WDFY4: variants seen among roughly 807,000 people sequenced by gnomAD.
WDFY4 encodes the protein WDFY family member 4.
A neutral mutation model predicts 351.9 loss-of-function variants in WDFY4; 169 were observed. That is an observed-to-expected ratio of 0.48 (90% confidence interval 0.42 to 0.55). The LOEUF (loss-of-function observed/expected upper bound fraction) is 0.55. WDFY4 is among the 20% of genes least tolerant of loss of function. The pLI, the probability that WDFY4 is intolerant of heterozygous loss-of-function variation, is 0.00. For missense variants in WDFY4, 3,803 were observed against 3,935.6 expected, an observed-to-expected ratio of 0.97 and a Z score of 0.90; for synonymous variants, 1,622 against 1,574.6, an observed-to-expected ratio of 1.03 and a Z score of -0.71.
chr10:48,972,981 G>A (rs906834816), intron 57 of WDFY4, among the ~76,000 whole-genome samples: 5 of 152,058 alleles, frequency 3.3e-5, no homozygotes, highest in African/African-American at 1.2e-4. Context: ...TGATTTCTTC[G>A]GCTCTTGCAA....
intron 1 of WDFY4, among the ~76,000 whole-genome samples, chr10:48,705,809 C>T (rs1401438568): frequency 6.6e-6 from 1 of 152,234 alleles, no homozygotes; most frequent in Non-Finnish European, 1.5e-5. Flanking sequence ...GGATCTCCAG[C>T]TAAGTCCCCA....
chr10:48,975,182 T>C (rs1399440105), intron 58 of WDFY4, 141 bp downstream of exon 58: 1 of 1,126,446 alleles, frequency 8.9e-7, no homozygotes. Context: ...GAACAGTCGC[T>C]GTAGATCTCA....
intron 39 of WDFY4, among the ~76,000 whole-genome samples, chr10:48,846,668 C>G (rs1049739191): frequency 6.6e-6 from 1 of 152,186 alleles, no homozygotes; most frequent in African/African-American, 2.4e-5. Context: ...TACCTATGAC[C>G]CTCAGGCAGC....
rs1422288219 is a variant in WDFY4 at position 48,781,204 on chromosome 10, G to A, written c.3576+1085G>A. ...GGTAAAGTTCTGTTATCAAAAAAAG[G>A]CAGTGATGACCAAATATATATATAT... On this transcript the variant is annotated intron_variant, in intron 19 of 61. Coordinates refer to ENST00000325239, the MANE Select transcript of WDFY4 (RefSeq NM_001394531.1). Among the ~76,000 whole-genome samples the A allele has an allele frequency of 2.0e-5, 3 of 151,910 alleles. No individual in the cohort carries two copies. The East Asian group carries it at 5.8e-4, about 29-fold the overall frequency.
chr10:48,803,913 C>T (rs1359443961), intron 25 of WDFY4, among the ~76,000 whole-genome samples: 2 of 152,224 alleles, frequency 1.3e-5, no homozygotes, highest in East Asian at 3.8e-4. Flanking sequence ...TCCACTCAGT[C>T]TTCAGGTTGC....
chr10:48,858,861 A>C (rs1282641176), intron 39 of WDFY4, among the ~76,000 whole-genome samples: 1 of 152,148 alleles, frequency 6.6e-6, no homozygotes, highest in Non-Finnish European at 1.5e-5. Flanking sequence ...TTTTATTCAG[A>C]TCATCTTTTA....
chr10:48,931,693 G>A (rs536076066), intron 47 of WDFY4, among the ~76,000 whole-genome samples: 1 of 152,216 alleles, frequency 6.6e-6, no homozygotes, highest in Non-Finnish European at 1.5e-5. Flanking sequence ...TTCAGAAAAT[G>A]CTGCAATGTC....
At chr10:48,974,496 C>A (rs1842462060) in intron 57 of WDFY4, among the ~76,000 whole-genome samples, 1 of 3,396 alleles carries the variant, frequency 2.9e-4, no homozygotes, top group Non-Finnish European at 1.6e-3. Flanking sequence ...GAGCAAGACT[C>A]CGTCTCAAAA....
At chr10:48,944,024 C>A (rs1021913491) in intron 49 of WDFY4, among the ~76,000 whole-genome samples, 2 of 152,234 alleles carry the variant, frequency 1.3e-5, no homozygotes, top group East Asian at 3.8e-4. Flanking sequence ...TCCTGGCTTA[C>A]TCTCCACAGT....
At chr10:48,690,960 G>A (rs746781737) in intron 1 of WDFY4, among the ~76,000 whole-genome samples, 32 of 152,170 alleles carry the variant, frequency 2.1e-4, no homozygotes, top group Non-Finnish European at 3.4e-4. Context: ...GGACCTTACC[G>A]GGGCCCTCCC....
At chr10:48,882,410 T>C (rs1346423941) in intron 43 of WDFY4, among the ~76,000 whole-genome samples, 1 of 152,198 alleles carries the variant, frequency 6.6e-6, no homozygotes, top group East Asian at 1.9e-4. Context: ...CAGCTAGATG[T>C]CAGAAGCCCT....
intron 1 of WDFY4, among the ~76,000 whole-genome samples, chr10:48,692,671 A>C (rs1174310257): frequency 6.6e-6 from 1 of 152,166 alleles, no homozygotes; most frequent in Non-Finnish European, 1.5e-5. Flanking sequence ...CACTGAGGAA[A>C]ATGATTGATT....
At chr10:48,787,080 C>A (rs1405573350) in intron 20 of WDFY4, among the ~76,000 whole-genome samples, 2 of 152,122 alleles carry the variant, frequency 1.3e-5, no homozygotes, top group Non-Finnish European at 2.9e-5. Flanking sequence ...AACTCCAAAG[C>A]CCTAATGGGG....
chr10:48,772,517 C>CTTTTTTTTTTTTTTTTTTTTCTTTT (rs10672319), intron 13 of WDFY4, among the ~76,000 whole-genome samples: 1 of 70,652 alleles, frequency 1.4e-5, no homozygotes, highest in Non-Finnish European at 2.7e-5. Context: ...GAGGGCAGTT[C>CTTTTTTTTTTTTTTTTTTTTCTTTT]TTTTTTTTTT....
intron 23 of WDFY4, among the ~76,000 whole-genome samples, chr10:48,794,603 C>T (rs2066793344): frequency 6.6e-6 from 1 of 152,010 alleles, no homozygotes; most frequent in Non-Finnish European, 1.5e-5. Flanking sequence ...CAAAGAGGAG[C>T]TAACCACATG....
At chr10:48,910,527 T>C (rs769400161) in intron 47 of WDFY4, among the ~76,000 whole-genome samples, 12 of 152,226 alleles carry the variant, frequency 7.9e-5, no homozygotes, top group Non-Finnish European at 5.9e-5. Flanking sequence ...ACCTTTTCCT[T>C]GGCAGAAAAA....
intron 43 of WDFY4, among the ~76,000 whole-genome samples, chr10:48,887,600 A>G (rs373199784): frequency 3.9e-4 from 59 of 152,196 alleles, no homozygotes; most frequent in African/African-American, 1.3e-3. Flanking sequence ...AACACGGTGA[A>G]ACCCCATCTT....
intron 43 of WDFY4, among the ~76,000 whole-genome samples, chr10:48,879,148 T>C (rs1251152556): frequency 1.3e-5 from 2 of 152,238 alleles, no homozygotes; most frequent in African/African-American, 2.4e-5. Context: ...AAGACGTCAA[T>C]GCTTTCTTTC....
chr10:48,729,662 C>T, intron 8 of WDFY4, 73 bp downstream of exon 8: 1 of 1,509,296 alleles, frequency 6.6e-7, no homozygotes, highest in South Asian at 1.3e-5. Context: ...AGGGTCTTCT[C>T]CTGATTCTTT....
Sources: allele counts gnomAD v4.1 joint callset (sites outside exome capture counted in the v4.1 genomes callset), GRCh38; gene constraint gnomAD v4.1.1; transcripts MANE v1.5; gene names NCBI Gene and HGNC (gene_info 2026-07-23, HGNC 2026-07-21).